EFL1: variants seen among roughly 807,000 people sequenced by gnomAD.
EFL1 encodes elongation factor like GTPase 1, also known as elongation factor-like GTPase 1.
EFL1 carries 76 observed loss-of-function variants against 126.7 expected under a neutral mutation model. The observed-to-expected ratio is 0.60, with a 90% confidence interval of 0.50 to 0.73. The LOEUF (loss-of-function observed/expected upper bound fraction) is 0.73. EFL1 is among the 30% of genes least tolerant of loss of function. The pLI is 0.00. For missense variants in EFL1, 1,128 were observed against 1,343.2 expected (o/e 0.84, Z 2.50); for synonymous variants, 410 against 448.4 (o/e 0.91, Z 1.08).
intron 4 of EFL1, among the ~76,000 whole-genome samples, chr15:82,249,223 C>T (rs1210725383): frequency 6.6e-6 from 1 of 151,862 alleles, no homozygotes; most frequent in Non-Finnish European, 1.5e-5. Context: ...AGAAGGCTTG[C>T]ATCCACGAGG....
intron 8 of EFL1, among the ~76,000 whole-genome samples, chr15:82,229,705 C>T (rs2074801299): frequency 6.6e-6 from 1 of 151,954 alleles, no homozygotes; most frequent in African/African-American, 2.4e-5. Context: ...GCTTAGAATG[C>T]TCAGTTTTAA....
At chr15:82,211,782 A>C (rs911162520) in intron 15 of EFL1, among the ~76,000 whole-genome samples, 3 of 152,186 alleles carry the variant, frequency 2.0e-5, no homozygotes, top group African/African-American at 4.8e-5. Flanking sequence ...TAATTCTATG[A>C]CTTTGAGGCA....
intron 18 of EFL1, among the ~76,000 whole-genome samples, chr15:82,150,492 T>G (rs1008886903): frequency 3.3e-5 from 5 of 152,180 alleles, no homozygotes; most frequent in African/African-American, 1.2e-4. Context: ...CTGGGCACTG[T>G]ATTTAAAAAA....
intron 15 of EFL1, among the ~76,000 whole-genome samples, chr15:82,172,507 C>T (rs1430649135): frequency 6.6e-6 from 1 of 152,186 alleles, no homozygotes; most frequent in Non-Finnish European, 1.5e-5. Flanking sequence ...TCTTCCCGTA[C>T]AAGAATTACC....
At chr15:82,140,645 C>A (rs917108622) in intron 18 of EFL1, among the ~76,000 whole-genome samples, 1 of 152,166 alleles carries the variant, frequency 6.6e-6, no homozygotes, top group Non-Finnish European at 1.5e-5. Flanking sequence ...ATCTCCAATA[C>A]CACTTTACAA....
chr15:82,213,662 G>C (rs1229389891), intron 15 of EFL1, among the ~76,000 whole-genome samples: 1 of 152,152 alleles, frequency 6.6e-6, no homozygotes, highest in African/African-American at 2.4e-5. Flanking sequence ...CATTTAATTT[G>C]AGCAATACAG....
intron 4 of EFL1, among the ~76,000 whole-genome samples, chr15:82,247,784 G>C (rs1342928325): frequency 2.0e-5 from 3 of 152,074 alleles, no homozygotes; most frequent in Non-Finnish European, 4.4e-5. Context: ...TTGAAAGAGG[G>C]TGTCAGAATC....
intron 15 of EFL1, among the ~76,000 whole-genome samples, chr15:82,211,380 G>C (rs1223419595): frequency 6.6e-6 from 1 of 151,658 alleles, no homozygotes; most frequent in Non-Finnish European, 1.5e-5. Context: ...CAAAAAATTA[G>C]GTGGGCATGG....
intron 4 of EFL1, among the ~76,000 whole-genome samples, chr15:82,247,353 T>C (rs143535235): frequency 1.3e-5 from 2 of 152,202 alleles, no homozygotes; most frequent in East Asian, 3.9e-4. Flanking sequence ...GAAGTCATTC[T>C]CAGGGATGGT....
intron 15 of EFL1, among the ~76,000 whole-genome samples, chr15:82,190,714 T>C (rs2141270696): frequency 6.6e-6 from 1 of 152,340 alleles, no homozygotes; most frequent in East Asian, 1.9e-4. Context: ...CAAATATATA[T>C]TCCAGGTCTT....
Position 82,138,986 on chromosome 15 carries a change from CTTT to C in EFL1, c.2990-147_2990-145del, listed in dbSNP as rs34017266. ...TGTTGATTTACAAAAGCAAGGAACA[CTTT>C]TTAAGTGTTTATTTAAAAAGCATGA... On this transcript the variant is annotated intron_variant, in intron 18 of 19. Coordinates refer to ENST00000268206, the MANE Select transcript of EFL1 (RefSeq NM_024580.6). 1,622 of 802,418 alleles carry C rather than the reference CTTT, an allele frequency of 2.0e-3. 20 individuals carry two copies. The African/African-American group carries it at 0.025, about 12-fold the overall frequency. 49.7% of individuals were successfully genotyped at this position (802,418 alleles called of 1,614,324 possible).
chr15:82,209,234 A>C (rs1437435957), intron 15 of EFL1, among the ~76,000 whole-genome samples: 3 of 152,140 alleles, frequency 2.0e-5, no homozygotes, highest in East Asian at 1.9e-4. Flanking sequence ...AAATAAATTA[A>C]ATCAAATTTG....
At chr15:82,232,163 C>G (rs894199052) in intron 7 of EFL1, among the ~76,000 whole-genome samples, 1 of 152,192 alleles carries the variant, frequency 6.6e-6, no homozygotes, top group Non-Finnish European at 1.5e-5. Flanking sequence ...GACTGACTTC[C>G]CAGGCACTCT....
chr15:82,152,778 C>T (rs2073927918), intron 17 of EFL1, among the ~76,000 whole-genome samples: 1 of 151,860 alleles, frequency 6.6e-6, no homozygotes, highest in Non-Finnish European at 1.5e-5. Flanking sequence ...ACAGTATTTG[C>T]CCATCTAAGA....
At chr15:82,169,261 T>C (rs139576983) in intron 15 of EFL1, among the ~76,000 whole-genome samples, 32 of 152,238 alleles carry the variant, frequency 2.1e-4, no homozygotes, top group Non-Finnish European at 3.8e-4. Context: ...CTACAGAGGA[T>C]CTACCCAAAA....
At chr15:82,250,338 GA>G (rs2075010179) in intron 4 of EFL1, among the ~76,000 whole-genome samples, 2 of 113,166 alleles carry the variant, frequency 1.8e-5, no homozygotes, top group Non-Finnish European at 3.6e-5. Context: ...ATGCTCACAA[GA>G]AACATGTTTG....
chr15:82,151,420 T>G (rs2073905303), intron 18 of EFL1, 45 bp downstream of exon 18: 5 of 1,527,060 alleles, frequency 3.3e-6, no homozygotes, highest in South Asian at 1.3e-5. Flanking sequence ...GAGACTTCAC[T>G]GTTATTCAGG....
chr15:82,176,732 T>C (rs115806919), intron 15 of EFL1, among the ~76,000 whole-genome samples: 47 of 152,336 alleles, frequency 3.1e-4, no homozygotes, highest in African/African-American at 7.9e-4. Context: ...AAGTGGTACA[T>C]TGACTAAGCT....
At chr15:82,214,603 A>T (rs921968883) in intron 15 of EFL1, 114 bp downstream of exon 15, 16 of 1,418,588 alleles carry the variant, frequency 1.1e-5, no homozygotes, top group Non-Finnish European at 1.4e-5. Flanking sequence ...AGAAAAAAAA[A>T]TTATCAAACT....
Sources: gnomAD v4.1 joint callset for allele counts (sites outside exome capture counted in the v4.1 genomes callset) on GRCh38, gnomAD v4.1.1 for gene constraint, MANE v1.5 for transcripts, NCBI Gene and HGNC (gene_info 2026-07-23, HGNC 2026-07-21) for gene names.